The following LMF1 variants were observed in gnomAD, a reference collection of about 807,000 sequenced individuals.
The protein encoded by LMF1 is transmembrane protein 112.
A neutral mutation model predicts 60.6 loss-of-function variants in LMF1; 68 were observed. The observed-to-expected ratio is 1.12, with a 90% CI of 0.92 to 1.37. The LOEUF is 1.37. LMF1 is among the 40% of genes most tolerant of loss of function. The pLI is 0.00. For missense variants in LMF1, 948 were observed against 767.2 expected (o/e 1.24, Z -2.78); for synonymous variants, 418 against 324.7 (o/e 1.29, Z -3.09).
chr16:954,717 G>A, intron 1 of LMF1, 51 bp from the exon 2 acceptor site: 1 of 1,505,738 alleles, frequency 6.6e-7, no homozygotes, highest in Non-Finnish European at 8.9e-7. Flanking sequence ...AACCACATGT[G>A]GACACCATGG....
intron 2 of LMF1, among the ~76,000 whole-genome samples, chr16:936,587 G>A (rs1206991160): frequency 6.6e-6 from 1 of 151,610 alleles, no homozygotes; most frequent in Non-Finnish European, 1.5e-5. Flanking sequence ...AGGGCACCCC[G>A]TGGGCTGAGG....
chr16:873,938 GGGAGGCTGGAC>G (rs1334147464), intron 6 of LMF1: 1 of 152,360 alleles, frequency 6.6e-6, no homozygotes, highest in Non-Finnish European at 1.5e-5. Context: ...TGCTCAGGGA[GGGAGGCTGGAC>G]GGAGGCCGCA....
rs766712183 is a variant in LMF1, at chr16:870,689, A to G, written c.1232+40T>C. 3.7e-6 allele frequency: 6 copies of G among 1,607,408 alleles called. No individual in the cohort carries two copies. The East Asian group carries it at 6.7e-5, about 18-fold the overall frequency. On this transcript the variant is annotated intron_variant, in intron 8 of 10. Transcript: ENST00000262301. ...TGGCTGGTCAGGGCTGAGTCTCCCC[A>G]TATACCCAGCTCCGGGGGACGGGGA...
intron 5 of LMF1, among the ~76,000 whole-genome samples, chr16:892,199 C>T (rs1555452463): frequency 6.6e-6 from 1 of 152,350 alleles, no homozygotes; most frequent in Non-Finnish European, 1.5e-5. Context: ...GGCAGTGAGA[C>T]AGCCATCACT....
At chr16:855,520 C>A (rs56148024) in intron 10 of LMF1, 6,893 of 362,842 alleles carry the variant, frequency 0.019, 257 homozygotes, top group African/African-American at 0.097. Flanking sequence ...CCCCTCATGT[C>A]CAGGGTTGCT....
chr16:932,180 C>T (rs559293710), intron 3 of LMF1, among the ~76,000 whole-genome samples: 171 of 152,340 alleles, frequency 1.1e-3, no homozygotes, highest in African/African-American at 3.1e-3. Flanking sequence ...ACTTCCCCCC[C>T]ACCCTACTTA....
At chr16:935,494 C>T (rs930611050) in intron 2 of LMF1, among the ~76,000 whole-genome samples, 4 of 151,226 alleles carry the variant, frequency 2.6e-5, no homozygotes, top group Admixed American at 2.6e-4. Flanking sequence ...TTGTGGCTTC[C>T]GTGGGCCACA....
chr16:911,383 G>A (rs1022345279), intron 3 of LMF1, among the ~76,000 whole-genome samples: 7 of 152,094 alleles, frequency 4.6e-5, no homozygotes, highest in Non-Finnish European at 8.8e-5. Flanking sequence ...GACGCTGCAC[G>A]GACCTGACAT....
chr16:869,447 G>C (rs1019995676), intron 9 of LMF1: 1 of 543,704 alleles, frequency 1.8e-6, no homozygotes, highest in African/African-American at 1.9e-5. Flanking sequence ...TTTCCTGTTC[G>C]CTGAGACAGG....
intron 4 of LMF1, chr16:901,257 C>G (rs1009489751): frequency 1.3e-5 from 2 of 152,276 alleles, no homozygotes; most frequent in Non-Finnish European, 2.9e-5. Context: ...CACCCCAACA[C>G]AGCCCAGTTC....
At chr16:971,917 G>A (rs530352542), upstream of LMF1, among the ~76,000 whole-genome samples, 2 of 152,242 alleles carry the variant, frequency 1.3e-5, no homozygotes, top group East Asian at 3.9e-4. Context: ...TGTGTATATT[G>A]GAAATATTTG....
chr16:910,529 C>T (rs992384430), intron 4 of LMF1, among the ~76,000 whole-genome samples: 13 of 152,180 alleles, frequency 8.5e-5, no homozygotes, highest in African/African-American at 2.7e-4. Flanking sequence ...TCTGCCAACG[C>T]GCCCACCATG....
chr16:868,904 TG>T lies in LMF1; in HGVS notation c.1529+39del, dbSNP rs376645804. ...TGGGATCCCAGCAGACACCTGGATT[TG>T]GGGGAGACCCCTGAGCAGCGGCAGG... On this transcript the variant is annotated intron_variant, in intron 10 of 10. Transcript: ENST00000262301. The T allele has an allele frequency of 1.5e-3, 1,925 of 1,324,834 alleles. 19 individuals are homozygous for T. In the African/African-American group the frequency reaches 0.025, roughly 17 times the overall value. The allele number at this position is 1,324,834 out of a possible 1,614,324, so 82.1% of individuals were successfully genotyped here. A position where few individuals can be genotyped will look rare whatever the true frequency, so the allele number is the denominator to read the frequency against.
At chr16:948,248 TGACAGAGTCAGCCAAC>T (rs1346172163) in intron 2 of LMF1, among the ~76,000 whole-genome samples, 13 of 90,154 alleles carry the variant, frequency 1.4e-4, no homozygotes, top group Admixed American at 2.8e-4. Flanking sequence ...TTACAGAAAA[TGACAGAGTCAGCCAAC>T]GACAGAGTCA....
At chr16:904,468 C>T (rs1240669337) in intron 4 of LMF1, among the ~76,000 whole-genome samples, 103 of 74,924 alleles carry the variant, frequency 1.4e-3, no homozygotes, top group East Asian at 2.1e-3. Flanking sequence ...GTCTCTGCTG[C>T]GTGGTGGTGA....
chr16:906,932 A>T (rs2070986766), intron 4 of LMF1, among the ~76,000 whole-genome samples: 1 of 152,224 alleles, frequency 6.6e-6, no homozygotes, highest in Non-Finnish European at 1.5e-5. Context: ...TGATTCATGA[A>T]CATGGTATAC....
chr16:941,685 T>C (rs933665475), intron 2 of LMF1, among the ~76,000 whole-genome samples: 10 of 152,218 alleles, frequency 6.6e-5, no homozygotes, highest in Non-Finnish European at 1.2e-4. Flanking sequence ...TGTTTAACAC[T>C]CCATTTCAAT....
chr16:963,167 T>C (rs1206217338), intron 1 of LMF1, among the ~76,000 whole-genome samples: 4 of 151,490 alleles, frequency 2.6e-5, no homozygotes, highest in Non-Finnish European at 4.4e-5. Flanking sequence ...TCGGGGTGGG[T>C]CGCAGGGCGG....
In LMF1 at chr16:981,210, C is replaced by A. The variant is rs757257691; in HGVS notation, c.-200G>T. On this transcript the variant is annotated 5_prime_UTR_variant, in exon 1 of 7. Coordinates refer to the LMF1 transcript ENST00000570014. ...TGGGCGCTGCGCGGCGGAACCGACC[C>A]TGTCCTGGACCGCAGGCAGCAGCTG... 2.6e-5 allele frequency: 12 copies of A among 455,250 alleles called. 1 individual carries two copies. Among genetic ancestry groups the A allele is most frequent in the South Asian group, 1.9e-4 (12 of 64,436 alleles). 28.2% of individuals were successfully genotyped at this position (455,250 alleles called of 1,614,324 possible). A position where few individuals can be genotyped will look rare whatever the true frequency, so the allele number is the denominator to read the frequency against.
Sources: gnomAD v4.1 joint callset for allele counts (sites outside exome capture counted in the v4.1 genomes callset) on GRCh38, gnomAD v4.1.1 for gene constraint, MANE v1.5 for transcripts, NCBI Gene and HGNC (gene_info 2026-07-23, HGNC 2026-07-21) for gene names.